Variants in URB1 observed in about 807,000 individuals in gnomAD.
URB1 encodes nucleolar pre-ribosomal-associated protein 1.
A neutral mutation model predicts 242.3 loss-of-function variants in URB1; 197 were observed. That is an observed-to-expected ratio of 0.81 (90% CI 0.72 to 0.91). The LOEUF is 0.91. Among genes scored for constraint, URB1 ranks in the 40% least tolerant of loss-of-function variants. The pLI, the probability that URB1 is intolerant of heterozygous loss-of-function variation, is 0.00. For missense variants in URB1, 2,721 were observed against 2,860.5 expected, an observed-to-expected ratio of 0.95 and a Z score of 1.11; for synonymous variants, 1,153 against 1,201.8, an observed-to-expected ratio of 0.96 and a Z score of 0.84.
In URB1 at chr21:32,392,842, C is replaced by G; in HGVS notation, c.69G>C (p.Lys23Asn). 1 of 1,533,098 alleles carries G rather than the reference C, an allele frequency of 6.5e-7. No homozygotes were observed. The highest frequency in any genetic ancestry group is 8.7e-7 in the Non-Finnish European group (1 of 1,145,056). The allele number at this position is 1,533,098 out of a possible 1,614,324, so 95.0% of individuals were successfully genotyped here. A position where few individuals can be genotyped will look rare whatever the true frequency, so the allele number is the denominator to read the frequency against. The change falls in exon 1 of 39, where the codon AAG becomes AAC. Residue 23 changes from lysine (K) to asparagine (N), a missense_variant. Coordinates refer to ENST00000382751, the MANE Select transcript of URB1 (RefSeq NM_014825.3). Reference sequence around the variant, plus strand: ...CCGTGAGCTCTTCTTTGCGGGCGCGCTTGGCTGCACCCGCGGAGGAAGCCG... The same window carrying G: ...CCGTGAGCTCTTCTTTGCGGGCGCGGTTGGCTGCACCCGCGGAGGAAGCCG... ...DGAASSAGAA[K>N]RARKEELTGV...
At chr21:32,317,248 A>G (rs1021224885) in intron 37 of URB1, among the ~76,000 whole-genome samples, 183 bp from the exon 38 acceptor site, 10 of 152,144 alleles carry the variant, frequency 6.6e-5, no homozygotes, top group Admixed American at 1.3e-4. Context: ...CATCACTGTT[A>G]TTATAACCAA....
rs114530014 is a variant in URB1, at chr21:32,311,866, C to T, written c.*3052G>A. 2.5e-3 allele frequency: 4,008 copies of T among 1,614,154 alleles called. 80 individuals are homozygous for T. In the African/African-American group the frequency reaches 0.047, roughly 19 times the overall value. On this transcript the variant is annotated 3_prime_UTR_variant, in exon 39 of 39. Transcript: ENST00000382751. ...CCGCTACGACAGGAGAGCTCCTCCA[C>T]CTTGCCCCTCGGGGGTTTCCAGACC...
intron 32 of URB1, among the ~76,000 whole-genome samples, chr21:32,323,233 C>T (rs966420125): frequency 1.3e-5 from 2 of 152,276 alleles, no homozygotes; most frequent in African/African-American, 2.4e-5. Flanking sequence ...CAAGTAAATC[C>T]ATGGAATAAA....
intron 3 of URB1, 80 bp downstream of exon 3, chr21:32,384,233 G>A (rs2033557120): frequency 4.1e-6 from 6 of 1,475,356 alleles, no homozygotes; most frequent in Middle Eastern, 1.9e-4. Flanking sequence ...TAAAGGTACT[G>A]ACCAAATGCA....
chr21:32,330,651 C>A (rs2032883422), intron 30 of URB1, among the ~76,000 whole-genome samples: 1 of 152,132 alleles, frequency 6.6e-6, no homozygotes. Flanking sequence ...AGTATGGAAA[C>A]TTTATTTCCA....
rs1301535791 is a variant in URB1, at chr21:32,314,295, C to T, written c.*623G>A. On this transcript the variant is annotated 3_prime_UTR_variant, in exon 39 of 39. Transcript: ENST00000382751. Reference sequence around the variant, plus strand: ...CACCTCCCAGGTTCAAGCGATTCCCCTGCCTTAGCCTCCCGAGTAGCTGGA... The same window carrying T: ...CACCTCCCAGGTTCAAGCGATTCCCTTGCCTTAGCCTCCCGAGTAGCTGGA... 2.5e-6 allele frequency: 1 copy of T among 400,416 alleles called. No homozygotes were observed. The highest frequency in any genetic ancestry group is 2.1e-5 in the African/African-American group (1 of 48,490). 24.8% of individuals were successfully genotyped at this position (400,416 alleles called of 1,614,324 possible). A position where few individuals can be genotyped will look rare whatever the true frequency, so the allele number is the denominator to read the frequency against.
intron 6 of URB1, 133 bp from the exon 7 acceptor site, chr21:32,373,905 GT>G: frequency 1.0e-6 from 1 of 986,814 alleles, no homozygotes; most frequent in Non-Finnish European, 1.4e-6. Flanking sequence ...AGAAAATTTG[GT>G]TTAAAAAAAG....
Position 32,325,249 on chromosome 21 carries a change from G to A in URB1, c.5101C>T (p.Arg1701Trp), listed in dbSNP as rs776438008. 15 of 1,551,438 alleles carry A rather than the reference G, an allele frequency of 9.7e-6. No homozygotes were observed. The highest frequency in any genetic ancestry group is 4.8e-5 in the South Asian group (4 of 84,050). ...CTTACCTGGGACTGCTCTTGGAACCGTGCGCCCTCCAAGTGCGAGTAGTAG... is the reference window on the plus strand; with the variant it reads ...CTTACCTGGGACTGCTCTTGGAACCATGCGCCCTCCAAGTGCGAGTAGTAG... ...AAYYSHLEGA[R>W]FQEQSQLLYL... The change falls in exon 31 of 39, where the codon CGG becomes TGG. Residue 1701 changes from arginine (R) to tryptophan (W), a missense_variant. Coordinates refer to ENST00000382751, the MANE Select transcript of URB1 (RefSeq NM_014825.3).
intron 18 of URB1, 24 bp downstream of exon 18, chr21:32,353,909 G>A (rs1183193247): frequency 6.5e-7 from 1 of 1,549,576 alleles, no homozygotes; most frequent in Non-Finnish European, 8.7e-7. Flanking sequence ...GTGCAGCCAA[G>A]ACATCCTGAC....
At chr21:32,321,752 A>G (rs2032768855) in intron 34 of URB1, 49 bp downstream of exon 34, 2 of 1,541,686 alleles carry the variant, frequency 1.3e-6, no homozygotes, top group Admixed American at 2.0e-5. Context: ...AAATCTTAAG[A>G]AGGGGCACAG....
intron 10 of URB1, among the ~76,000 whole-genome samples, chr21:32,364,626 G>C (rs1249643660): frequency 1.3e-5 from 2 of 152,174 alleles, no homozygotes; most frequent in Non-Finnish European, 2.9e-5. Flanking sequence ...CCACACAAGC[G>C]TGCACACCAC....
At position 32,383,600 on chromosome 21, in the gene URB1, A is replaced by G. The variant is rs1030937948; in HGVS notation, c.435-46T>C. ...AATCGGACACGTCAACAACAGCAGA[A>G]GCACAGAGCCGCCTCACCACAAAGC... On this transcript the variant is annotated intron_variant, in intron 3 of 38. Coordinates refer to ENST00000382751, the MANE Select transcript of URB1 (RefSeq NM_014825.3). 4 of 1,512,972 alleles carry G rather than the reference A, an allele frequency of 2.6e-6. No homozygotes were observed. In the South Asian group the frequency reaches 3.7e-5, roughly 14 times the overall value. 93.7% of individuals were successfully genotyped at this position (1,512,972 alleles called of 1,614,324 possible).
intron 11 of URB1, 56 bp downstream of exon 11, chr21:32,363,100 G>T (rs2033307238): frequency 6.6e-7 from 1 of 1,516,558 alleles, no homozygotes; most frequent in Non-Finnish European, 8.9e-7. Flanking sequence ...CTGCAGAATG[G>T]CCTTTTCCAC....
chr21:32,320,456 G>C (rs2032750919), intron 35 of URB1, 75 bp downstream of exon 35: 1 of 1,108,558 alleles, frequency 9.0e-7, no homozygotes, highest in Non-Finnish European at 1.3e-6. Flanking sequence ...CAACAACAGA[G>C]CTGGCAGCAG....
chr21:32,383,228 C>T (rs1305330216), intron 4 of URB1, among the ~76,000 whole-genome samples, 194 bp downstream of exon 4: 1 of 152,268 alleles, frequency 6.6e-6, no homozygotes, highest in Non-Finnish European at 1.5e-5. Context: ...CTGCCAGGTT[C>T]TGGCCCTATC....
rs2033150452 is a variant in URB1 at position 32,350,942 on chromosome 21, G to A, written c.2614-20C>T. ...CAGCAGCTGAGGGAGACAGCAAAAG[G>A]CCGGGGAAGAGAAAGACACATCACC... On this transcript the variant is annotated intron_variant, in intron 19 of 38. Coordinates refer to ENST00000382751, the MANE Select transcript of URB1 (RefSeq NM_014825.3). The A allele has an allele frequency of 2.0e-6, 3 of 1,536,746 alleles. No homozygotes were observed. Among genetic ancestry groups the A allele is most frequent in the Non-Finnish European group, 2.6e-6 (3 of 1,143,178 alleles).
chr21:32,392,464 A>C (rs1267347477), intron 1 of URB1, among the ~76,000 whole-genome samples: 2 of 152,220 alleles, frequency 1.3e-5, no homozygotes, highest in African/African-American at 4.8e-5. Flanking sequence ...CACTTCATTT[A>C]CTTCCCTGAC....
At chr21:32,375,677 G>A (rs749619003) in intron 5 of URB1, among the ~76,000 whole-genome samples, 194 bp from the exon 6 acceptor site, 36 of 152,074 alleles carry the variant, frequency 2.4e-4, no homozygotes, top group South Asian at 6.2e-4. Context: ...AGGCAGAGTG[G>A]CTCATGCCTG....
At chr21:32,338,195 C>G (rs2032984554) in intron 26 of URB1, among the ~76,000 whole-genome samples, 1 of 152,196 alleles carries the variant, frequency 6.6e-6, no homozygotes, top group South Asian at 2.1e-4. Context: ...GGATTATCTT[C>G]TCTGACATCC....
Sources: gnomAD v4.1 joint callset for allele counts (sites outside exome capture counted in the v4.1 genomes callset) on GRCh38, gnomAD v4.1.1 for gene constraint, MANE v1.5 for transcripts, NCBI Gene and HGNC (gene_info 2026-07-23, HGNC 2026-07-21) for gene names.